Variants in ANKFN1 observed in about 807,000 individuals in gnomAD.
ANKFN1 encodes ankyrin repeat and fibronectin type-III domain-containing protein 1.
A neutral mutation model predicts 108.7 loss-of-function variants in ANKFN1; 74 were observed. The observed-to-expected ratio is 0.68, with a 90% CI of 0.56 to 0.83. ANKFN1 has a LOEUF of 0.83. Among genes scored for constraint, ANKFN1 ranks in the 40% least tolerant of loss-of-function variants. ANKFN1 has a pLI of 0.00. For synonymous variants in ANKFN1, 547 were observed against 516.2 expected, an observed-to-expected ratio of 1.06 and a Z score of -0.81; for missense variants, 1,505 against 1,382.3, an observed-to-expected ratio of 1.09 and a Z score of -1.41.
At chr17:56,099,974 T>C (rs1905609403) in intron 4 of ANKFN1, among the ~76,000 whole-genome samples, 1 of 152,214 alleles carries the variant, frequency 6.6e-6, no homozygotes, top group Non-Finnish European at 1.5e-5. Flanking sequence ...AGAGGGAGAC[T>C]GGTTTGGTGG....
chr17:56,490,849 ACT>A (rs2051013608), intron 18 of ANKFN1, among the ~76,000 whole-genome samples: 2 of 151,628 alleles, frequency 1.3e-5, no homozygotes, highest in South Asian at 4.2e-4. Flanking sequence ...GATCACTCAC[ACT>A]CTCACCCCAT....
At chr17:56,302,619 C>A (rs2044705825) in intron 3 of ANKFN1, among the ~76,000 whole-genome samples, 2 of 151,528 alleles carry the variant, frequency 1.3e-5, no homozygotes. Flanking sequence ...TTAATAGAAA[C>A]CCATTCAAAC....
intron 4 of ANKFN1, among the ~76,000 whole-genome samples, chr17:56,348,693 C>A (rs933914532): frequency 1.3e-5 from 2 of 152,096 alleles, no homozygotes; most frequent in Non-Finnish European, 2.9e-5. Flanking sequence ...CAATGAGTTA[C>A]CATCTCACAC....
intron 1 of ANKFN1, among the ~76,000 whole-genome samples, chr17:56,178,715 G>A (rs1320802762): frequency 6.6e-6 from 1 of 152,032 alleles, no homozygotes; most frequent in Non-Finnish European, 1.5e-5. Flanking sequence ...TAGTTGAAAG[G>A]CATGGGTCAA....
chr17:56,468,073 C>T (rs1315973828), intron 15 of ANKFN1, among the ~76,000 whole-genome samples: 1 of 152,168 alleles, frequency 6.6e-6, no homozygotes, highest in African/African-American at 2.4e-5. Context: ...TGAGTCTCCA[C>T]AAAACTTGAT....
At chr17:56,231,388 T>C (rs1916724726) in intron 3 of ANKFN1, among the ~76,000 whole-genome samples, 1 of 152,200 alleles carries the variant, frequency 6.6e-6, no homozygotes, top group Non-Finnish European at 1.5e-5. Context: ...AGGAGGTCTA[T>C]GGCCAGCAAA....
intron 4 of ANKFN1, among the ~76,000 whole-genome samples, chr17:56,080,834 C>T (rs1905237352): frequency 6.6e-6 from 1 of 152,188 alleles, no homozygotes; most frequent in East Asian, 1.9e-4. Context: ...CAGTATATGT[C>T]TATAGTGTGC....
intron 4 of ANKFN1, among the ~76,000 whole-genome samples, chr17:56,147,808 G>C (rs1007019824): frequency 6.6e-6 from 1 of 152,184 alleles, no homozygotes. Context: ...TCAGTTTCCA[G>C]ATATGGAAAC....
chr17:56,474,273 A>G (rs7218559), intron 15 of ANKFN1, among the ~76,000 whole-genome samples: 8,022 of 152,242 alleles, frequency 0.053, 432 homozygotes, highest in African/African-American at 0.15. Flanking sequence ...CCAGATATTC[A>G]GCTTGTTAAA....
chr17:56,195,682 G>T (rs1913441329), intron 1 of ANKFN1, among the ~76,000 whole-genome samples: 1 of 152,046 alleles, frequency 6.6e-6, no homozygotes, highest in African/African-American at 2.4e-5. Flanking sequence ...AACTCTCAAG[G>T]GTCTATGACA....
intron 4 of ANKFN1, among the ~76,000 whole-genome samples, chr17:56,327,907 T>C (rs2045565269): frequency 6.6e-6 from 1 of 152,126 alleles, no homozygotes; most frequent in Non-Finnish European, 1.5e-5. Context: ...TCATCAGAAA[T>C]ACACAGATGA....
chr17:56,130,168 G>A (rs943508771), intron 4 of ANKFN1, among the ~76,000 whole-genome samples: 3 of 152,194 alleles, frequency 2.0e-5, no homozygotes, highest in Admixed American at 6.5e-5. Context: ...CCTCTCCCAG[G>A]CCTAATTAGA....
At chr17:56,368,276 C>CTTTTTTTGTTTTTTTTT (rs2046714095) in intron 6 of ANKFN1, 1 of 65,424 alleles carries the variant, frequency 1.5e-5, no homozygotes. Flanking sequence ...TGAAAATGAA[C>CTTTTTTTGTTTTTTTTT]TTTTTTTTTT....
intron 1 of ANKFN1, among the ~76,000 whole-genome samples, chr17:56,170,813 C>CAT (rs1910624343): frequency 8.6e-6 from 1 of 116,232 alleles, no homozygotes; most frequent in Non-Finnish European, 1.7e-5. Flanking sequence ...TATATACACA[C>CAT]ACACACACAC....
intron 4 of ANKFN1, among the ~76,000 whole-genome samples, chr17:56,327,648 G>T (rs1390785753): frequency 6.6e-6 from 1 of 152,150 alleles, no homozygotes; most frequent in East Asian, 1.9e-4. Context: ...TTGCCTACTG[G>T]TTACAGGAAT....
chr17:56,481,029 G>A, intron 17 of ANKFN1, among the ~76,000 whole-genome samples: 1 of 140,820 alleles, frequency 7.1e-6, no homozygotes, highest in East Asian at 2.1e-4. Context: ...CAGCTCCTCT[G>A]TGTTGGACCT....
At chr17:56,486,492 A>C (rs772793256) in intron 18 of ANKFN1, among the ~76,000 whole-genome samples, 5 of 152,206 alleles carry the variant, frequency 3.3e-5, no homozygotes, top group Non-Finnish European at 7.3e-5. Context: ...AAGCAATCAG[A>C]GCTTTCCAAG....
chr17:56,086,131 G>T (rs1905311094), intron 4 of ANKFN1, among the ~76,000 whole-genome samples: 1 of 151,016 alleles, frequency 6.6e-6, no homozygotes, highest in African/African-American at 2.4e-5. Context: ...TTTGTGCCAG[G>T]TGCAGTGCCG....
intron 2 of ANKFN1, among the ~76,000 whole-genome samples, chr17:56,217,412 C>G (rs1424168489): frequency 6.6e-6 from 1 of 152,184 alleles, no homozygotes; most frequent in African/African-American, 2.4e-5. Flanking sequence ...CTTCAAAATT[C>G]CACCGCATTG....
Sources: allele counts gnomAD v4.1 joint callset (sites outside exome capture counted in the v4.1 genomes callset), GRCh38; gene constraint gnomAD v4.1.1; transcripts MANE v1.5; gene names NCBI Gene and HGNC (gene_info 2026-07-23, HGNC 2026-07-21).